LRP4: variants seen among roughly 807,000 people sequenced by gnomAD.
The protein encoded by LRP4 is LDL receptor related protein 4, also known as low-density lipoprotein receptor-related protein 4.
A neutral mutation model predicts 220.3 loss-of-function variants in LRP4; 95 were observed. The ratio of observed to expected loss-of-function variants is 0.43; its 90% CI spans 0.37 to 0.51. The LOEUF is 0.51. LRP4 is among the 20% of genes least tolerant of loss of function. The pLI is 0.00. For synonymous variants in LRP4, 903 were observed against 954.6 expected (o/e 0.95, Z 1.00); for missense variants, 1,925 against 2,567.0 (o/e 0.75, Z 5.40).
chr11:46,890,216 T>C lies in LRP4; in HGVS notation c.1915+61A>G, dbSNP rs1479334072. 2 of 1,606,746 alleles carry C rather than the reference T, an allele frequency of 1.2e-6. No homozygotes were observed. Among genetic ancestry groups the C allele is most frequent in the Non-Finnish European group, 1.7e-6 (2 of 1,173,862 alleles). ...TACACAAAACCTCTACCAAGGCTCCTGGGGGGCAGGGACGGGGGCAGGAGG... is the reference window on the plus strand; with the variant it reads ...TACACAAAACCTCTACCAAGGCTCCCGGGGGGCAGGGACGGGGGCAGGAGG... On this transcript the variant is annotated intron_variant, in intron 14 of 37. Transcript: ENST00000378623. The surrounding 1 kb of genome is among the most constrained non-coding windows in gnomAD (Gnocchi z 5.3).
intron 37 of LRP4, among the ~76,000 whole-genome samples, chr11:46,860,055 T>C (rs1940500565): frequency 6.6e-6 from 1 of 151,514 alleles, no homozygotes; most frequent in South Asian, 2.1e-4. Flanking sequence ...GCCAACATGG[T>C]GAAACCCCAT....
chr11:46,880,668 A>G (rs1285199641), intron 20 of LRP4, among the ~76,000 whole-genome samples: 1 of 152,032 alleles, frequency 6.6e-6, no homozygotes, highest in Admixed American at 6.6e-5. Flanking sequence ...ACTAAACACA[A>G]TGGGTGATCC....
Position 46,859,210 on chromosome 11 carries a change from T to C in LRP4, c.5491A>G (p.Ser1831Gly), listed in dbSNP as rs758676264. The change falls in exon 38 of 38, where the codon AGC (serine) becomes GGC (glycine). Residue 1831 changes from serine (S) to glycine (G), a missense_variant. Ser to Gly is a moderately conservative substitution (Grantham distance 56). This residue lies in a region of LRP4 where 1,244 missense variants were observed against 1,624.9 expected (regional missense o/e 0.77). Transcript: ENST00000378623. ...AEWDDLKQLRSSRGGLLRDHV... is the reference protein window; with the variant it reads ...AEWDDLKQLRGSRGGLLRDHV... ...TCCCGGAGGAGGCCCCCCCGTGAGCTTCGCAGTTGCTTGAGGTCATCCCAC... is the reference window on the plus strand; with the variant it reads ...TCCCGGAGGAGGCCCCCCCGTGAGCCTCGCAGTTGCTTGAGGTCATCCCAC... 2 of 1,614,126 alleles carry C rather than the reference T, an allele frequency of 1.2e-6. No individual in the cohort carries two copies. The highest frequency in any genetic ancestry group is 1.7e-6 in the Non-Finnish European group (2 of 1,180,012).
chr11:46,873,373 A>G lies in LRP4; in HGVS notation c.4448+2T>C. 1 of 1,614,006 alleles carries G rather than the reference A, an allele frequency of 6.2e-7. No individual in the cohort carries two copies. The highest frequency in any genetic ancestry group is 8.5e-7 in the Non-Finnish European group (1 of 1,179,972). ...TCTCTCTTCTGCTGGCCATAAACTT[A>G]CCCCTTCCTGGGGAAAACAGCAATG... On this transcript the variant is annotated splice_donor_variant, in intron 29 of 37. Coordinates refer to ENST00000378623, the MANE Select transcript of LRP4 (RefSeq NM_002334.4). LOFTEE classifies it high-confidence loss of function. This position sits in a 1 kb window ranked among gnomAD's most constrained non-coding sequence, Gnocchi z 4.2.
At chr11:46,917,292 T>C (rs1592558870) in intron 1 of LRP4, among the ~76,000 whole-genome samples, 2 of 152,072 alleles carry the variant, frequency 1.3e-5, no homozygotes, top group African/African-American at 4.8e-5. Flanking sequence ...GCGAGGCAAA[T>C]GGGGAGACTC....
Position 46,898,694 on chromosome 11 carries a change from C to A in LRP4, c.677-17G>T. The A allele has an allele frequency of 6.2e-7, 1 of 1,613,682 alleles. No individual in the cohort carries two copies. Among genetic ancestry groups the A allele is most frequent in the Non-Finnish European group, 8.5e-7 (1 of 1,179,990 alleles). On this transcript the variant is annotated splice_polypyrimidine_tract_variant and intron_variant, in intron 6 of 37. Coordinates refer to ENST00000378623, the MANE Select transcript of LRP4 (RefSeq NM_002334.4). ...GGTGGGAGGCTAGGGAAACACAAGA[C>A]TTCTGTCTCTAGCCAGTCTGTGCAG...
At chr11:46,901,521 A>G (rs1015587973) in intron 2 of LRP4, among the ~76,000 whole-genome samples, 1 of 152,156 alleles carries the variant, frequency 6.6e-6, no homozygotes, top group African/African-American at 2.4e-5. Context: ...AATTAGCTGA[A>G]CTGGTTAGGG....
Position 46,895,918 on chromosome 11 carries a change from G to A in LRP4, c.1149C>T (p.Gly383=), listed in dbSNP as rs1217928881. The A allele has an allele frequency of 6.2e-7, 1 of 1,613,830 alleles. No homozygotes were observed. The highest frequency in any genetic ancestry group is 1.7e-5 in the Admixed American group (1 of 60,034). Residue 383 remains glycine (G), a synonymous_variant, in exon 10 of 38, where the codon GGC becomes GGT. Coordinates refer to ENST00000378623, the MANE Select transcript of LRP4 (RefSeq NM_002334.4). The stretch of plus-strand genomic sequence containing the variant: ...TGTGCCCATCCTCTGTGAGCCGGTA[G>A]CCTGTGTGGCAGGTACACTGCACTG... The part of the protein sequence containing the change: ...RGAVQCTCHT[G]YRLTEDGHTC...
At position 46,873,786 on chromosome 11, in the gene LRP4, A is replaced by G; in HGVS notation, c.4230-193T>C. ...AAAATAATTGCAGAATGAAGGAACC[A>G]GTTCTTAGGAGGACACAGTATTTCC... On this transcript the variant is annotated intron_variant, in intron 28 of 37. Transcript: ENST00000378623. This position sits in a 1 kb window ranked among gnomAD's most constrained non-coding sequence, Gnocchi z 4.2. 2 of 574,148 alleles carry G rather than the reference A, an allele frequency of 3.5e-6. No individual in the cohort carries two copies. Among genetic ancestry groups the G allele is most frequent in the South Asian group, 4.9e-5 (2 of 40,852 alleles). The allele number at this position is 574,148 out of a possible 1,614,324, so 35.6% of individuals were successfully genotyped here.
At position 46,911,646 on chromosome 11, in the gene LRP4, T is replaced by C. The variant is rs889078968; in HGVS notation, c.52+6682A>G. ...AAGTCTCTCTCCCTCAAGAAGCACC[T>C]GAGAAGTAATTCCTTATGCATTCAG... is the stretch of plus-strand genomic sequence containing the variant. On this transcript the variant is annotated intron_variant, in intron 1 of 37. Coordinates refer to ENST00000378623, the MANE Select transcript of LRP4 (RefSeq NM_002334.4). Among the ~76,000 whole-genome samples, 3 of 150,060 alleles carry C rather than the reference T, an allele frequency of 2.0e-5. No individual in the cohort carries two copies. The East Asian group carries it at 5.8e-4, about 29-fold the overall frequency.
At chr11:46,900,927 C>T (rs1184046010) in intron 2 of LRP4, among the ~76,000 whole-genome samples, 1 of 152,142 alleles carries the variant, frequency 6.6e-6, no homozygotes, top group Non-Finnish European at 1.5e-5. Flanking sequence ...GCTGGTGTTA[C>T]AGGTGCCCGC....
chr11:46,899,276 C>T lies in LRP4; in HGVS notation c.547+111G>A, dbSNP rs939539494. ...AGCCTAGGAGGAGCTGCTGCTGAGGCACCCATGCTCCTTGCCCTTGGTACA... is the reference window on the plus strand; with the variant it reads ...AGCCTAGGAGGAGCTGCTGCTGAGGTACCCATGCTCCTTGCCCTTGGTACA... On this transcript the variant is annotated intron_variant, in intron 5 of 37. Transcript: ENST00000378623. This position sits in a 1 kb window ranked among gnomAD's most constrained non-coding sequence, Gnocchi z 5.9. 1.4e-5 allele frequency: 14 copies of T among 974,796 alleles called. No individual in the cohort carries two copies. Among genetic ancestry groups the T allele is most frequent in the South Asian group, 1.0e-4 (8 of 77,804 alleles). The allele number at this position is 974,796 out of a possible 1,614,324, so 60.4% of individuals were successfully genotyped here.
At chr11:46,909,574 C>T (rs1941820489) in intron 1 of LRP4, among the ~76,000 whole-genome samples, 2 of 106,288 alleles carry the variant, frequency 1.9e-5, no homozygotes, top group Non-Finnish European at 3.5e-5. Context: ...CACTGCAGTC[C>T]GCAGTCCGGC....
In LRP4 at chr11:46,895,914, G is replaced by A. The variant is rs200623154; in HGVS notation, c.1153C>T (p.Arg385Trp). Residue 385 changes from arginine (R) to tryptophan (W), a missense_variant, in exon 10 of 38, where the codon CGG (arginine) becomes TGG (tryptophan). This residue lies in a region of LRP4 where 269 missense variants were observed against 436.7 expected (regional missense o/e 0.62). Transcript: ENST00000378623. Reference protein sequence around the residue: ...AVQCTCHTGYRLTEDGHTCQD... With the variant: ...AVQCTCHTGYWLTEDGHTCQD... ...CACGTGTGCCCATCCTCTGTGAGCC[G>A]GTAGCCTGTGTGGCAGGTACACTGC... is the stretch of plus-strand genomic sequence containing the variant. 138 of 1,613,480 alleles carry A rather than the reference G, an allele frequency of 8.6e-5. No individual in the cohort carries two copies. The highest frequency in any genetic ancestry group is 9.9e-5 in the Non-Finnish European group (117 of 1,179,986).
In LRP4 at chr11:46,859,167, G is replaced by A. The variant is rs1466826075; in HGVS notation, c.5534C>T (p.Thr1845Ile). The A allele has an allele frequency of 3.1e-6, 5 of 1,614,066 alleles. No individual in the cohort carries two copies. The highest frequency in any genetic ancestry group is 2.7e-5 in the African/African-American group (2 of 74,926). ...GCTGGCCTGGATGGACACCGTGTCTGTCTTCATGCATACATGATCCCGGAG... is the reference window on the plus strand; with the variant it reads ...GCTGGCCTGGATGGACACCGTGTCTATCTTCATGCATACATGATCCCGGAG... ...GLLRDHVCMK[T>I]DTVSIQASSG... The change falls in exon 38 of 38, where the codon ACA (threonine) becomes ATA (isoleucine). Residue 1845 changes from threonine to isoleucine, a missense_variant. By Grantham distance (89) the Thr-to-Ile change is moderately conservative. Transcript: ENST00000378623.
chr11:46,874,704 C>T, intron 28 of LRP4, 96 bp downstream of exon 28: 1 of 1,059,458 alleles, frequency 9.4e-7, no homozygotes, highest in Non-Finnish European at 1.5e-6. Flanking sequence ...TCCAAAGTGC[C>T]AAATCACTCA....
intron 36 of LRP4, 127 bp downstream of exon 36, chr11:46,864,321 C>G: frequency 3.9e-6 from 3 of 775,940 alleles, no homozygotes; most frequent in Middle Eastern, 2.6e-4. Flanking sequence ...GCTGCCCTGA[C>G]CAGGCACCCA....
intron 16 of LRP4, among the ~76,000 whole-genome samples, chr11:46,889,037 C>T (rs1941362446): frequency 6.6e-6 from 1 of 152,072 alleles, no homozygotes; most frequent in Admixed American, 6.5e-5. Flanking sequence ...GTTTAAGGGC[C>T]GAAAGAAAGT....
Position 46,918,138 on chromosome 11 carries a change from G to T in LRP4, c.52+190C>A, listed in dbSNP as rs1941979768. Among the ~76,000 whole-genome samples, 1 of 151,798 alleles carries T rather than the reference G, an allele frequency of 6.6e-6. No homozygotes were observed. The highest frequency in any genetic ancestry group is 2.1e-4 in the South Asian group (1 of 4,806). ...GACCCGAACCCGCGGAAGCGCCTCC[G>T]CTGATGCCCCCGCTCGGACTGCTGG... On this transcript the variant is annotated intron_variant, in intron 1 of 37. Transcript: ENST00000378623. This position sits in a 1 kb window ranked among gnomAD's most constrained non-coding sequence, Gnocchi z 6.0.
Sources: allele counts gnomAD v4.1 joint callset (sites outside exome capture counted in the v4.1 genomes callset), GRCh38; gene constraint gnomAD v4.1.1; regional missense constraint gnomAD v4.1.1; non-coding constraint Gnocchi (gnomAD v3.1); transcripts MANE v1.5; gene names NCBI Gene and HGNC (gene_info 2026-07-23, HGNC 2026-07-21).